NEXN: variants seen among roughly 807,000 people sequenced by gnomAD.
The protein encoded by NEXN is nexilin.
Under a neutral mutation model 92.6 loss-of-function variants are expected in NEXN, and 65 were observed. That is an observed-to-expected ratio of 0.70 (90% confidence interval 0.57 to 0.86). The LOEUF (loss-of-function observed/expected upper bound fraction) is 0.86. Ranked by LOEUF, NEXN falls within the 40% of genes least tolerant of loss-of-function variation. The pLI is 0.00. For missense variants in NEXN, 778 were observed against 771.1 expected, an observed-to-expected ratio of 1.01 and a Z score of -0.11; for synonymous variants, 254 against 242.5, an observed-to-expected ratio of 1.05 and a Z score of -0.44.
At chr1:77,912,058 G>A (rs1163529418) in intron 1 of NEXN, among the ~76,000 whole-genome samples, 2 of 147,560 alleles carry the variant, frequency 1.4e-5, no homozygotes, top group Non-Finnish European at 3.0e-5. Context: ...CAGTCTGGGC[G>A]ACAGAGTGAG....
intron 5 of NEXN, among the ~76,000 whole-genome samples, chr1:77,923,255 A>G (rs1411077083): frequency 6.7e-6 from 1 of 148,520 alleles, no homozygotes; most frequent in Non-Finnish European, 1.5e-5. Flanking sequence ...TCAGCCTCCC[A>G]AAATGCTGTG....
intron 9 of NEXN, 104 bp downstream of exon 9, chr1:77,929,608 T>A (rs1650133110): frequency 6.7e-7 from 1 of 1,482,846 alleles, no homozygotes; most frequent in South Asian, 1.2e-5. Flanking sequence ...CTGGAAACTG[T>A]GCCAAGAGTA....
At chr1:77,925,600 C>T (rs953544071) in intron 6 of NEXN, among the ~76,000 whole-genome samples, 1 of 152,072 alleles carries the variant, frequency 6.6e-6, no homozygotes, top group South Asian at 2.1e-4. Context: ...CCTCAGAGTT[C>T]CTGAGAGTTT....
chr1:77,913,406 C>G (rs1435553101), intron 1 of NEXN, among the ~76,000 whole-genome samples: 1 of 149,326 alleles, frequency 6.7e-6, no homozygotes, highest in East Asian at 1.9e-4. Flanking sequence ...CAGTGCAAGA[C>G]TCCATCTCAA....
chr1:77,942,070 T>G lies in NEXN; in HGVS notation c.1521T>G (p.Phe507Leu). Residue 507 changes from phenylalanine (F) to leucine (L), a missense_variant, in exon 12 of 13, where the codon TTT (phenylalanine) becomes TTG (leucine). Around this residue, in one of 3 missense-constraint regions of NEXN, gnomAD observed 532 missense variants for 476.7 expected, o/e 1.12. Coordinates refer to ENST00000334785, the MANE Select transcript of NEXN (RefSeq NM_144573.4). ...CTGCAAGAAAAAGCGAGGCTCCATTTACTCACAAAGTGAATATGAAAGCTA... is the reference window on the plus strand; with the variant it reads ...CTGCAAGAAAAAGCGAGGCTCCATTGACTCACAAAGTGAATATGAAAGCTA... Reference protein sequence around the residue: ...VRPARKSEAPFTHKVNMKARF... With the variant: ...VRPARKSEAPLTHKVNMKARF... The G allele has an allele frequency of 6.2e-7, 1 of 1,613,734 alleles. No individual in the cohort carries two copies. The highest frequency in any genetic ancestry group is 8.5e-7 in the Non-Finnish European group (1 of 1,179,730).
chr1:77,911,142 C>A (rs1452265119), intron 1 of NEXN, among the ~76,000 whole-genome samples: 1 of 152,110 alleles, frequency 6.6e-6, no homozygotes, highest in Admixed American at 6.6e-5. Flanking sequence ...CGCCTGGCCC[C>A]AAAATTATAC....
intron 10 of NEXN, among the ~76,000 whole-genome samples, chr1:77,934,487 G>T (rs1249612640): frequency 6.6e-6 from 1 of 152,198 alleles, no homozygotes. Context: ...TTTGTGTGTT[G>T]TATGTAAGTG....
intron 6 of NEXN, 78 bp from the exon 7 acceptor site, chr1:77,926,336 C>T (rs1204099613): frequency 1.4e-5 from 13 of 908,836 alleles, no homozygotes; most frequent in Admixed American, 6.7e-5. Flanking sequence ...ATGAAATTCA[C>T]CTATGATGGA....
Position 77,918,270 on chromosome 1 carries a change from A to C in NEXN, c.444A>C (p.Glu148Asp), listed in dbSNP as rs1557975025. ...AGCGTGAATTAGCAAAAAGGGCTGA[A>C]CAGGTATCACTGAAGATTAAGTTCG... The part of the protein sequence containing the change: ...KIQRELAKRA[E>D]QIEDINNTGT... Residue 148 changes from glutamate (E) to aspartate (D), a missense_variant, in exon 5 of 13, where the codon GAA (glutamate) becomes GAC (aspartate). This residue lies in a region of NEXN where 236 missense variants were observed against 265.6 expected (regional missense o/e 0.89). Transcript: ENST00000334785. The C allele has an allele frequency of 6.2e-7, 1 of 1,614,148 alleles. No homozygotes were observed. The highest frequency in any genetic ancestry group is 8.5e-7 in the Non-Finnish European group (1 of 1,179,972).
At chr1:77,941,875 T>C (rs1217511578) in intron 11 of NEXN, 148 bp from the exon 12 acceptor site, 1 of 709,966 alleles carries the variant, frequency 1.4e-6, no homozygotes, top group South Asian at 1.7e-5. Context: ...ACTGGAGAGT[T>C]AGAAAAAATC....
At chr1:77,900,624 AT>A (rs1647627203) in intron 1 of NEXN, among the ~76,000 whole-genome samples, 1 of 152,178 alleles carries the variant, frequency 6.6e-6, no homozygotes, top group Non-Finnish European at 1.5e-5. Context: ...ATATTGCAAT[AT>A]TACCTCTGAA....
chr1:77,931,935 T>C (rs963004964), intron 9 of NEXN: 2 of 152,186 alleles, frequency 1.3e-5, no homozygotes, highest in Non-Finnish European at 2.9e-5. Context: ...GCCTATAATC[T>C]TTTGTTTTTT....
At chr1:77,931,869 G>C (rs929937226) in intron 9 of NEXN, 1 of 152,180 alleles carries the variant, frequency 6.6e-6, no homozygotes, top group African/African-American at 2.4e-5. Flanking sequence ...TCCCCTGTGT[G>C]TATTTCAACC....
At chr1:77,924,475 T>C (rs1649696312) in intron 5 of NEXN, among the ~76,000 whole-genome samples, 1 of 152,180 alleles carries the variant, frequency 6.6e-6, no homozygotes, top group Non-Finnish European at 1.5e-5. Context: ...AGATTGCTAA[T>C]GGATAGGTTT....
In NEXN at chr1:77,933,438, G is replaced by C; in HGVS notation, c.1210G>C (p.Glu404Gln). 1 of 1,613,412 alleles carries C rather than the reference G, an allele frequency of 6.2e-7. No homozygotes were observed. Among genetic ancestry groups the C allele is most frequent in the Non-Finnish European group, 8.5e-7 (1 of 1,179,590 alleles). ...EEERKHKLEM[E>Q]KQEFEQLRQE... ...GGAACGGAAGCATAAGCTAGAAATG[G>C]AGAAACAAGAATTTGAACAACTGAG... is the stretch of plus-strand genomic sequence containing the variant. Residue 404 changes from glutamate to glutamine, a missense_variant, in exon 10 of 13, where the codon GAG (glutamate) becomes CAG (glutamine). By Grantham distance (29) the Glu-to-Gln change is conservative. Transcript: ENST00000334785.
chr1:77,920,817 TGAAAA>T (rs1571120873), intron 5 of NEXN, among the ~76,000 whole-genome samples: 1 of 151,846 alleles, frequency 6.6e-6, no homozygotes, highest in South Asian at 2.1e-4. Flanking sequence ...AAGGAGATGT[TGAAAA>T]GAAAAGGGAG....
At chr1:77,898,617 T>C (rs1482116384) in intron 1 of NEXN, among the ~76,000 whole-genome samples, 2 of 152,140 alleles carry the variant, frequency 1.3e-5, no homozygotes, top group African/African-American at 4.8e-5. Flanking sequence ...ACTTCATGTC[T>C]AAAACACCAA....
At chr1:77,910,618 G>A (rs1648487983) in intron 1 of NEXN, among the ~76,000 whole-genome samples, 1 of 151,666 alleles carries the variant, frequency 6.6e-6, no homozygotes, top group Admixed American at 6.6e-5. Context: ...GGGTGTCGTC[G>A]GTCGCGCCTG....
intron 5 of NEXN, among the ~76,000 whole-genome samples, chr1:77,919,756 C>A (rs1255887654): frequency 6.6e-6 from 1 of 152,032 alleles, no homozygotes; most frequent in Non-Finnish European, 1.5e-5. Flanking sequence ...CCTGCCACCA[C>A]GTCTGGCTAA....
Sources: gnomAD v4.1 joint callset for allele counts (sites outside exome capture counted in the v4.1 genomes callset) on GRCh38, gnomAD v4.1.1 for gene constraint, gnomAD v4.1.1 regional missense constraint, MANE v1.5 for transcripts, NCBI Gene and HGNC (gene_info 2026-07-23, HGNC 2026-07-21) for gene names.